The following KIAA1958 variants were observed in gnomAD, a reference collection of about 807,000 sequenced individuals.
The protein encoded by KIAA1958 is uncharacterized protein KIAA1958.
KIAA1958 carries 14 observed loss-of-function variants against 47.2 expected under a neutral mutation model. The observed-to-expected ratio is 0.30, with a 90% confidence interval of 0.20 to 0.46. The LOEUF is 0.46. Among genes scored for constraint, KIAA1958 ranks in the 20% least tolerant of loss-of-function variants. The pLI is 1.00. For missense variants in KIAA1958, 803 were observed against 909.2 expected (o/e 0.88, Z 1.50); for synonymous variants, 354 against 353.3 (o/e 1.00, Z -0.02).
chr9:112,558,458 A>C (rs1479082810), intron 1 of KIAA1958, among the ~76,000 whole-genome samples: 1 of 152,150 alleles, frequency 6.6e-6, no homozygotes, highest in African/African-American at 2.4e-5. Flanking sequence ...AACCGTGTCA[A>C]TTTTTAAATT....
chr9:112,566,966 C>T (rs1835437064), intron 1 of KIAA1958, among the ~76,000 whole-genome samples: 1 of 151,888 alleles, frequency 6.6e-6, no homozygotes, highest in Admixed American at 6.6e-5. Flanking sequence ...ATAATATGCT[C>T]ATATTAATTA....
intron 1 of KIAA1958, among the ~76,000 whole-genome samples, chr9:112,528,600 GC>G (rs1399897176): frequency 6.6e-6 from 1 of 152,160 alleles, no homozygotes; most frequent in African/African-American, 2.4e-5. Flanking sequence ...TTGGCTCACT[GC>G]AACCTCTGCC....
Position 112,618,861 on chromosome 9 carries a change from ACAATGG to A in KIAA1958, c.1172-26784_1172-26779del. 6.5e-7 allele frequency: 1 copy of A among 1,549,372 alleles called. No individual in the cohort carries two copies. The highest frequency in any genetic ancestry group is 1.2e-5 in the South Asian group (1 of 84,028). On this transcript the variant is annotated intron_variant, in intron 2 of 3. Transcript: ENST00000337530. This position sits in a 1 kb window ranked among gnomAD's most constrained non-coding sequence, Gnocchi z 7.1. ...GCCCAGTCAGTGGCCGGCCACTCCAACAATGGCAATTTCATCGTCTCCGCCTCCTAT... is the reference window on the plus strand; with the variant it reads ...GCCCAGTCAGTGGCCGGCCACTCCAACAATTTCATCGTCTCCGCCTCCTAT...
At chr9:112,508,481 C>T (rs1030812189) in intron 1 of KIAA1958, among the ~76,000 whole-genome samples, 30 of 152,180 alleles carry the variant, frequency 2.0e-4, no homozygotes, top group Admixed American at 9.8e-4. Flanking sequence ...CAGCTACATA[C>T]GATGATGGCA....
chr9:112,631,000 A>G (rs759318927), intron 2 of KIAA1958, among the ~76,000 whole-genome samples: 4 of 152,260 alleles, frequency 2.6e-5, no homozygotes, highest in Non-Finnish European at 2.9e-5. Context: ...TGCTAGGGAA[A>G]GAATATTAGA....
intron 1 of KIAA1958, among the ~76,000 whole-genome samples, chr9:112,539,245 G>A (rs1270563425): frequency 3.3e-5 from 5 of 152,196 alleles, no homozygotes; most frequent in Non-Finnish European, 5.9e-5. Flanking sequence ...ACTTGTGTGT[G>A]AATTCTCATA....
intron 2 of KIAA1958, among the ~76,000 whole-genome samples, chr9:112,636,368 G>T (rs1199603192): frequency 6.6e-6 from 1 of 151,960 alleles, no homozygotes; most frequent in Non-Finnish European, 1.5e-5. Context: ...AGTTGTGTGT[G>T]TTGTTCTTCT....
At chr9:112,545,653 A>T (rs1835015711) in intron 1 of KIAA1958, among the ~76,000 whole-genome samples, 1 of 152,130 alleles carries the variant, frequency 6.6e-6, no homozygotes, top group Non-Finnish European at 1.5e-5. Flanking sequence ...GCTATTTGCC[A>T]GGAGGGAGTT....
At chr9:112,490,007 G>A (rs1833937560) in intron 1 of KIAA1958, among the ~76,000 whole-genome samples, 1 of 152,030 alleles carries the variant, frequency 6.6e-6, no homozygotes, top group Non-Finnish European at 1.5e-5. Flanking sequence ...ACATTTTTTT[G>A]TAGCCTGGTG....
intron 1 of KIAA1958, among the ~76,000 whole-genome samples, chr9:112,563,455 A>G (rs1483581496): frequency 2.0e-5 from 3 of 152,116 alleles, no homozygotes; most frequent in Non-Finnish European, 4.4e-5. Flanking sequence ...CTTTTGTAAG[A>G]ATTATTCCTT....
chr9:112,611,568 C>A (rs1403644963), intron 2 of KIAA1958, among the ~76,000 whole-genome samples: 3 of 151,392 alleles, frequency 2.0e-5, no homozygotes, highest in Non-Finnish European at 3.0e-5. Context: ...AATCAAAAAG[C>A]TGTTTGGGAG....
rs777413447 is a variant in KIAA1958, at chr9:112,659,755, T to C, written c.1837T>C (p.Cys613Arg). The C allele has an allele frequency of 4.6e-5, 74 of 1,613,954 alleles. No homozygotes were observed. In the Admixed American group the frequency reaches 1.2e-3, roughly 27 times the overall value. Residue 613 changes from cysteine to arginine, a missense_variant, in exon 4 of 4, where the codon TGT (cysteine) becomes CGT (arginine). Cys to Arg is a radical substitution (Grantham distance 180). Around this residue, in one of 2 missense-constraint regions of KIAA1958, gnomAD observed 761 missense variants for 829.3 expected, o/e 0.92. Coordinates refer to ENST00000337530, the MANE Select transcript of KIAA1958 (RefSeq NM_133465.4). Reference protein sequence around the residue: ...RESRSGSTRVCHGKIYHEHSR... With the variant: ...RESRSGSTRVRHGKIYHEHSR... Reference sequence around the variant, plus strand: ...GAGTCGGAGCGGCTCCACCAGAGTGTGTCACGGGAAGATCTACCATGAGCA... The same window carrying C: ...GAGTCGGAGCGGCTCCACCAGAGTGCGTCACGGGAAGATCTACCATGAGCA...
At chr9:112,613,283 A>G (rs939340547) in intron 2 of KIAA1958, among the ~76,000 whole-genome samples, 13 of 152,194 alleles carry the variant, frequency 8.5e-5, no homozygotes, top group Non-Finnish European at 1.8e-4. Flanking sequence ...CTTAATTTCT[A>G]TCTCAGAACA....
chr9:112,582,230 A>G (rs746652865), intron 2 of KIAA1958, among the ~76,000 whole-genome samples: 1 of 152,242 alleles, frequency 6.6e-6, no homozygotes, highest in African/African-American at 2.4e-5. Context: ...TTAAATGACT[A>G]GAGAAGTATA....
chr9:112,561,892 G>A (rs779122369), intron 1 of KIAA1958, among the ~76,000 whole-genome samples: 4 of 152,180 alleles, frequency 2.6e-5, no homozygotes, highest in Non-Finnish European at 4.4e-5. Flanking sequence ...CTCTGGGATT[G>A]ATGGATTGAT....
chr9:112,659,502 C>G lies in KIAA1958; in HGVS notation c.1584C>G (p.Arg528=). 1 of 1,613,558 alleles carries G rather than the reference C, an allele frequency of 6.2e-7. No homozygotes were observed. Among genetic ancestry groups the G allele is most frequent in the Non-Finnish European group, 8.5e-7 (1 of 1,179,734 alleles). ...CAGGCATGTCGGGCGCGCGTTCTCG[C>G]AACATCGTCTACTTCTCCCTTTCTG... ...SKAGMSGARS[R]NIVYFSLSDE... is the part of the protein sequence containing the mutation. Residue 528 remains arginine, a synonymous_variant, in exon 4 of 4, where the codon CGC becomes CGG. Coordinates refer to ENST00000337530, the MANE Select transcript of KIAA1958 (RefSeq NM_133465.4).
chr9:112,613,828 T>C (rs1295874958), intron 2 of KIAA1958, among the ~76,000 whole-genome samples: 1 of 152,164 alleles, frequency 6.6e-6, no homozygotes, highest in Non-Finnish European at 1.5e-5. Context: ...GAAAGTAAAT[T>C]GATATGACCA....
At chr9:112,632,945 T>A (rs529577552) in intron 2 of KIAA1958, among the ~76,000 whole-genome samples, 2 of 151,330 alleles carry the variant, frequency 1.3e-5, no homozygotes, top group Non-Finnish European at 2.9e-5. Context: ...CATTTAGATA[T>A]GTGGATTTTG....
chr9:112,600,339 C>T (rs1342598344), intron 2 of KIAA1958, among the ~76,000 whole-genome samples: 1 of 152,206 alleles, frequency 6.6e-6, no homozygotes, highest in Non-Finnish European at 1.5e-5. Context: ...TCTAGCACAG[C>T]AGGGCTGTCC....
Sources: allele counts gnomAD v4.1 joint callset (sites outside exome capture counted in the v4.1 genomes callset), GRCh38; gene constraint gnomAD v4.1.1; regional missense constraint gnomAD v4.1.1; non-coding constraint Gnocchi (gnomAD v3.1); transcripts MANE v1.5; gene names NCBI Gene and HGNC (gene_info 2026-07-23, HGNC 2026-07-21).